Variants in CSE1L observed in about 807,000 individuals in gnomAD.
CSE1L encodes the protein exportin-2.
In CSE1L, 24 loss-of-function variants were observed where a neutral mutation model predicts 120.4. That is an observed-to-expected ratio of 0.20 (90% CI 0.14 to 0.28). The LOEUF is 0.28. CSE1L is among the 10% of genes least tolerant of loss of function. CSE1L has a pLI of 1.00. For synonymous variants in CSE1L, 402 were observed against 398.3 expected (o/e 1.01, Z -0.11); for missense variants, 830 against 1,145.2 (o/e 0.72, Z 3.97).
intron 1 of CSE1L, among the ~76,000 whole-genome samples, chr20:49,047,211 C>T (rs142241199): frequency 6.6e-6 from 1 of 152,236 alleles, no homozygotes; most frequent in Non-Finnish European, 1.5e-5. Flanking sequence ...GTCACCTCAT[C>T]TCACTGAGCC....
At chr20:49,091,425 C>CA (rs566370376) in intron 21 of CSE1L, among the ~76,000 whole-genome samples, 2,975 of 137,596 alleles carry the variant, frequency 0.022, 33 homozygotes, top group African/African-American at 0.035. Context: ...GACCCTGTCT[C>CA]AAAAAAAAAA....
rs11419181 is a variant in CSE1L at position 49,053,347 on chromosome 20, C to CTTTT, written c.-11-5081_-11-5078dup. ...ATTTAACTTGACCACAGCAAACTAACTTTTTTTTTTTTTTTTTTTTTTTTT... is the reference window on the plus strand; with the variant it reads ...ATTTAACTTGACCACAGCAAACTAACTTTTTTTTTTTTTTTTTTTTTTTTTTTTT... On this transcript the variant is annotated intron_variant, in intron 1 of 24. Coordinates refer to ENST00000262982, the MANE Select transcript of CSE1L (RefSeq NM_001316.4). Among the ~76,000 whole-genome samples the CTTTT allele has an allele frequency of 2.8e-3, 180 of 63,784 alleles. 14 individuals carry two copies. The highest frequency in any genetic ancestry group is 0.012 in the African/African-American group (154 of 12,950). The allele number at this position is 63,784 out of a possible 152,430, so 41.8% of individuals were successfully genotyped here.
chr20:49,093,600 G>A (rs2092117917), intron 22 of CSE1L, among the ~76,000 whole-genome samples: 1 of 131,238 alleles, frequency 7.6e-6, no homozygotes, highest in Admixed American at 8.4e-5. Flanking sequence ...TTTTGAGACT[G>A]GCCAGGTGTA....
At position 49,057,735 on chromosome 20, in the gene CSE1L, G is replaced by A. The variant is rs528816435; in HGVS notation, c.-11-718G>A. The stretch of plus-strand genomic sequence containing the variant: ...AAACCTTTGCCTCCCGGGTTCAAGC[G>A]ATTCTCCTGCCTCAGCCTCCCAAGT... On this transcript the variant is annotated intron_variant, in intron 1 of 24. Transcript: ENST00000262982. Among the ~76,000 whole-genome samples the A allele has an allele frequency of 2.0e-4, 30 of 152,208 alleles. No homozygotes were observed. In the South Asian group the frequency reaches 6.2e-3, roughly 32 times the overall value.
chr20:49,083,678 CAAAA>C (rs1004728700), intron 14 of CSE1L, among the ~76,000 whole-genome samples: 3 of 152,086 alleles, frequency 2.0e-5, no homozygotes, highest in African/African-American at 4.8e-5. Flanking sequence ...AAATGAGACA[CAAAA>C]AGGTTAAATA....
Position 49,052,639 on chromosome 20 carries a change from T to G in CSE1L, c.-11-5814T>G, listed in dbSNP as rs145843906. On this transcript the variant is annotated intron_variant, in intron 1 of 24. Transcript: ENST00000262982. ...TGGTGGTGGTGGTGGTGGTGGTGGT[T>G]GTTTTGGAGATAGGGTCTCACTCCC... 2.4e-3 allele frequency among the ~76,000 whole-genome samples: 368 copies of G among 151,998 alleles called. 2 individuals are homozygous for G. Among genetic ancestry groups the G allele is most frequent in the Non-Finnish European group, 3.7e-3 (253 of 67,962 alleles).
At chr20:49,050,569 A>T (rs911478377) in intron 1 of CSE1L, among the ~76,000 whole-genome samples, 2 of 141,744 alleles carry the variant, frequency 1.4e-5, no homozygotes, top group African/African-American at 5.2e-5. Context: ...CGCCCGGCTA[A>T]TTTTTTTTTT....
At chr20:49,087,169 CA>C (rs1252365886) in intron 16 of CSE1L, among the ~76,000 whole-genome samples, 1 of 151,954 alleles carries the variant, frequency 6.6e-6, no homozygotes, top group African/African-American at 2.4e-5. Context: ...GTCTTTTGAG[CA>C]ATATTTTTGC....
intron 1 of CSE1L, among the ~76,000 whole-genome samples, chr20:49,047,564 C>CTTTTCTTTTTTTTTTTT (rs2091726817): frequency 2.9e-5 from 2 of 69,928 alleles, no homozygotes; most frequent in Non-Finnish European, 5.2e-5. Flanking sequence ...TTTCTCTTTT[C>CTTTTCTTTTTTTTTTTT]TTTTTTTTTT....
intron 14 of CSE1L, among the ~76,000 whole-genome samples, chr20:49,081,818 A>G (rs1470319252): frequency 2.0e-5 from 3 of 152,212 alleles, no homozygotes; most frequent in Non-Finnish European, 4.4e-5. Flanking sequence ...CAATGGTGCC[A>G]TCTTGCAAAA....
intron 15 of CSE1L, among the ~76,000 whole-genome samples, chr20:49,084,383 G>A (rs372608970): frequency 1.3e-5 from 2 of 152,142 alleles, no homozygotes; most frequent in African/African-American, 4.8e-5. Context: ...AAGTAACTGA[G>A]ATAAAGTTAA....
At chr20:49,070,147 T>C (rs932799666) in intron 7 of CSE1L, 58 bp from the exon 8 acceptor site, 27 of 798,742 alleles carry the variant, frequency 3.4e-5, no homozygotes, top group Middle Eastern at 4.7e-4. Context: ...AGGGAACTTA[T>C]AAAAGTGGTG....
intron 1 of CSE1L, among the ~76,000 whole-genome samples, chr20:49,053,845 C>T (rs528365667): frequency 3.9e-5 from 6 of 152,126 alleles, no homozygotes; most frequent in Non-Finnish European, 7.3e-5. Flanking sequence ...CACACCACCA[C>T]GCCCGGCTAA....
At chr20:49,074,915 T>C in intron 11 of CSE1L, 65 bp downstream of exon 11, 1 of 1,194,418 alleles carries the variant, frequency 8.4e-7, no homozygotes. Flanking sequence ...GTTCTCTTTC[T>C]AGTAAATGGG....
In CSE1L at chr20:49,068,741, T is replaced by A; in HGVS notation, c.594T>A (p.His198Gln). 1 of 1,613,986 alleles carries A rather than the reference T, an allele frequency of 6.2e-7. No homozygotes were observed. Among genetic ancestry groups the A allele is most frequent in the Non-Finnish European group, 8.5e-7 (1 of 1,179,802 alleles). ...FKATIELCST[H>Q]ANDASALRIL... Reference sequence around the variant, plus strand: ...CCACTATTGAACTCTGCAGTACCCATGCAAATGATGCCTCTGCCCTGAGGA... The same window carrying A: ...CCACTATTGAACTCTGCAGTACCCAAGCAAATGATGCCTCTGCCCTGAGGA... Residue 198 changes from histidine to glutamine, a missense_variant, in exon 7 of 25, where the codon CAT (histidine) becomes CAA (glutamine). Around this residue, in one of 4 missense-constraint regions of CSE1L, gnomAD observed 543 missense variants for 640.2 expected, o/e 0.85. Transcript: ENST00000262982.
At chr20:49,054,652 CATACATG>C (rs1218204198) in intron 1 of CSE1L, among the ~76,000 whole-genome samples, 2 of 152,210 alleles carry the variant, frequency 1.3e-5, no homozygotes, top group Non-Finnish European at 2.9e-5. Context: ...GTGCCTGGTT[CATACATG>C]TGACACTTCC....
chr20:49,072,619 T>G lies in CSE1L; in HGVS notation c.988T>G (p.Tyr330Asp). The G allele has an allele frequency of 3.1e-6, 5 of 1,613,752 alleles. No homozygotes were observed. The highest frequency in any genetic ancestry group is 4.2e-6 in the Non-Finnish European group (5 of 1,179,822). ...GGCTTCAGTTTGTGAGAGACCTCAT[T>G]ATAAGAATCTATTTGAGGACCAGAA... ...FLASVCERPH[Y>D]KNLFEDQNTL... is the part of the protein sequence containing the mutation. Residue 330 changes from tyrosine to aspartate, a missense_variant, in exon 10 of 25, where the codon TAT (tyrosine) becomes GAT (aspartate). Physicochemically the swap from Tyr to Asp is radical, Grantham distance 160 (BLOSUM62 -3). Around this residue, in one of 4 missense-constraint regions of CSE1L, gnomAD observed 543 missense variants for 640.2 expected, o/e 0.85. Coordinates refer to ENST00000262982, the MANE Select transcript of CSE1L (RefSeq NM_001316.4).
chr20:49,092,640 T>G (rs2092110380), intron 22 of CSE1L, among the ~76,000 whole-genome samples: 5 of 145,300 alleles, frequency 3.4e-5, no homozygotes, highest in East Asian at 2.0e-4. Flanking sequence ...CATCACACTC[T>G]GGGGCCTGTC....
At chr20:49,076,618 C>T (rs1358756703) in intron 12 of CSE1L, among the ~76,000 whole-genome samples, 1 of 144,236 alleles carries the variant, frequency 6.9e-6, no homozygotes, top group East Asian at 2.1e-4. Flanking sequence ...CAACCTCTGC[C>T]TCCCGGGTTC....
Sources: allele counts gnomAD v4.1 joint callset (sites outside exome capture counted in the v4.1 genomes callset), GRCh38; gene constraint gnomAD v4.1.1; regional missense constraint gnomAD v4.1.1; transcripts MANE v1.5; gene names NCBI Gene and HGNC (gene_info 2026-07-23, HGNC 2026-07-21).